Variants in NEB observed in about 807,000 individuals in gnomAD.
NEB encodes nemaline myopathy type 2.
NEB carries 512 observed loss-of-function variants against 952.2 expected under a neutral mutation model. The ratio of observed to expected loss-of-function variants is 0.54; its 90% CI spans 0.50 to 0.58. The LOEUF is 0.58. NEB is among the 20% of genes least tolerant of loss of function. NEB has a pLI of 0.00. For missense variants in NEB, 8,428 were observed against 9,231.1 expected (o/e 0.91, Z 3.56); for synonymous variants, 2,900 against 3,149.8 (o/e 0.92, Z 2.66).
intron 9 of NEB, among the ~76,000 whole-genome samples, chr2:151,720,959 C>T (rs1246871338): frequency 6.6e-6 from 1 of 152,130 alleles, no homozygotes; most frequent in Non-Finnish European, 1.5e-5. Flanking sequence ...TCTGAAGTTT[C>T]CTTCAATCAT....
In NEB at chr2:151,619,720, T is replaced by TGTG. The variant is rs2154022798; in HGVS notation, c.10600_10602dup (p.His3534dup). The TGTG allele has an allele frequency of 6.2e-7, 1 of 1,613,706 alleles. No individual in the cohort carries two copies. On this transcript the variant is annotated inframe_insertion, in exon 73 of 182. Transcript: ENST00000397345. Reference sequence around the variant, plus strand: ...TCATCGTGTACTGCTCGGGCGCCAATGTGGTGACCCAACTGTTTACGATAT... The same window carrying TGTG: ...TCATCGTGTACTGCTCGGGCGCCAATGTGGTGGTGACCCAACTGTTTACGATAT...
At chr2:151,623,874 CA>C (rs1231296866) in intron 71 of NEB, among the ~76,000 whole-genome samples, 8 of 151,570 alleles carry the variant, frequency 5.3e-5, no homozygotes, top group Non-Finnish European at 4.4e-5. Flanking sequence ...GGCTTCAGGC[CA>C]AAAAAATAGA....
intron 44 of NEB, among the ~76,000 whole-genome samples, chr2:151,664,071 G>A (rs1441802778): frequency 6.6e-6 from 1 of 151,838 alleles, no homozygotes; most frequent in Non-Finnish European, 1.5e-5. Flanking sequence ...TAATCTCAGA[G>A]TTAATCGAAG....
Position 151,684,966 on chromosome 2 carries a change from G to T in NEB, c.2647C>A (p.Arg883=). The part of the protein sequence containing the change: ...TAKNQSDREY[R]KDYEKSKTIY... ...GTTTTTGACTTTTCATAATCTTTTC[G>T]ATATTCGCGCTGTGAATAGGAAATT... The change falls in exon 28 of 182, where the codon CGA becomes AGA. Residue 883 remains arginine (R), a synonymous_variant. Transcript: ENST00000397345. The T allele has an allele frequency of 6.2e-7, 1 of 1,603,720 alleles. No individual in the cohort carries two copies. The highest frequency in any genetic ancestry group is 8.5e-7 in the Non-Finnish European group (1 of 1,174,452).
Position 151,555,037 on chromosome 2 carries a change from T to C in NEB, c.19322A>G (p.Tyr6441Cys). The part of the protein sequence containing the change: ...NQKHLASHIK[Y>C]REEYEKFKAL... Reference sequence around the variant, plus strand: ...TTTGAACTTTTCATATTCTTCCCGATATTTGATCTATAGAGAATAAGTAGA... The same window carrying C: ...TTTGAACTTTTCATATTCTTCCCGACATTTGATCTATAGAGAATAAGTAGA... Residue 6441 changes from tyrosine to cysteine, a missense_variant, in exon 125 of 182, where the codon TAT becomes TGT. By Grantham distance (194) the Tyr-to-Cys change is radical (BLOSUM62 -2). Around this residue, in one of 11 missense-constraint regions of NEB, gnomAD observed 3,374 missense variants for 3,651.5 expected, o/e 0.92. Transcript: ENST00000397345. 6.3e-7 allele frequency: 1 copy of C among 1,587,784 alleles called. No individual in the cohort carries two copies. Among genetic ancestry groups the C allele is most frequent in the East Asian group, 2.2e-5 (1 of 44,752 alleles).
At chr2:151,654,140 T>A (rs1164732708) in intron 51 of NEB, 41 bp from the exon 52 acceptor site, 1 of 1,303,964 alleles carries the variant, frequency 7.7e-7, no homozygotes, top group African/African-American at 1.5e-5. Flanking sequence ...TCTGTCTATA[T>A]AAAGAATATC....
At position 151,630,727 on chromosome 2, in the gene NEB, G is replaced by T. The variant is rs1284384967; in HGVS notation, c.9711C>A (p.Ile3237=). ...TTTTTGCTCCTACCTCACTGTAGTTGATTTTGTTCTGCCTTGCCAACATAA... is the reference window on the plus strand; with the variant it reads ...TTTTTGCTCCTACCTCACTGTAGTTTATTTTGTTCTGCCTTGCCAACATAA... ...PEIMLARQNK[I]NYSETLYKLA... Residue 3237 remains isoleucine (I), a synonymous_variant, in exon 67 of 182, where the codon ATC becomes ATA. Coordinates refer to ENST00000397345, the MANE Select transcript of NEB (RefSeq NM_001164508.2). 1.2e-6 allele frequency: 2 copies of T among 1,606,908 alleles called. No homozygotes were observed. The highest frequency in any genetic ancestry group is 8.5e-7 in the Non-Finnish European group (1 of 1,176,068).
chr2:151,687,686 G>A lies in NEB; in HGVS notation c.2463C>T (p.Asp821=). ...DWEKSKAKKF[D]IKVDAIPLLA... ...ACAGGGGAATGGCGTCCACTTTAATGTCAAACTTCTTGGCTTTGCTCTTCT... is the reference window on the plus strand; with the variant it reads ...ACAGGGGAATGGCGTCCACTTTAATATCAAACTTCTTGGCTTTGCTCTTCT... Residue 821 remains aspartate, a synonymous_variant, in exon 26 of 182, where the codon GAC becomes GAT. Transcript: ENST00000397345. 6.2e-7 allele frequency: 1 copy of A among 1,604,710 alleles called. No homozygotes were observed. The highest frequency in any genetic ancestry group is 8.5e-7 in the Non-Finnish European group (1 of 1,174,836).
chr2:151,561,252 G>C lies in NEB; in HGVS notation c.19057C>G (p.Pro6353Ala). The change falls in exon 122 of 182, where the codon CCC becomes GCC. Residue 6353 changes from proline (P) to alanine (A), a missense_variant. Around this residue, in one of 11 missense-constraint regions of NEB, gnomAD observed 3,374 missense variants for 3,651.5 expected, o/e 0.92. Coordinates refer to ENST00000397345, the MANE Select transcript of NEB (RefSeq NM_001164508.2). ...CTCTGAACAGCAGTCACATAGAGGG[G>C]CGTGTCTGTGACCAGATTATAGTTT... The part of the protein sequence containing the change: ...LQNYNLVTDT[P>A]LYVTAVQSGI... The C allele has an allele frequency of 6.2e-7, 1 of 1,608,458 alleles. No homozygotes were observed.
intron 138 of NEB, 121 bp downstream of exon 138, chr2:151,540,223 G>T: frequency 5.6e-6 from 3 of 539,094 alleles, no homozygotes; most frequent in Non-Finnish European, 6.1e-6. Context: ...AAAAAAATGT[G>T]TGTTTTTTTC....
intron 54 of NEB, among the ~76,000 whole-genome samples, chr2:151,647,780 C>A (rs1028186312): frequency 6.6e-6 from 1 of 152,152 alleles, no homozygotes; most frequent in Non-Finnish European, 1.5e-5. Context: ...GTAAAGGAGA[C>A]TAAAGACATA....
chr2:151,562,547 G>C lies in NEB; in HGVS notation c.18891+64C>G. 1.3e-5 allele frequency: 18 copies of C among 1,417,812 alleles called. No homozygotes were observed. The South Asian group carries it at 2.4e-4, about 19-fold the overall frequency. 87.8% of individuals were successfully genotyped at this position (1,417,812 alleles called of 1,614,324 possible). A position where few individuals can be genotyped will look rare whatever the true frequency, so the allele number is the denominator to read the frequency against. ...AACGGGAGCATGGCAGCCAGGGTTGGGGGGTAGCCAAGACACAGTCATGGA... is the reference window on the plus strand; with the variant it reads ...AACGGGAGCATGGCAGCCAGGGTTGCGGGGTAGCCAAGACACAGTCATGGA... On this transcript the variant is annotated intron_variant, in intron 120 of 181. Coordinates refer to ENST00000397345, the MANE Select transcript of NEB (RefSeq NM_001164508.2).
chr2:151,539,660 T>C (rs1475930769), intron 138 of NEB, among the ~76,000 whole-genome samples: 1 of 152,192 alleles, frequency 6.6e-6, no homozygotes, highest in African/African-American at 2.4e-5. Context: ...GCTATTTACC[T>C]TGGATTCACT....
chr2:151,509,613 GT>G (rs112997385), intron 161 of NEB, among the ~76,000 whole-genome samples: 5 of 148,786 alleles, frequency 3.4e-5, no homozygotes, highest in South Asian at 2.1e-4. Context: ...AGGAAGAGAG[GT>G]TTTTTTTTTG....
Position 151,518,954 on chromosome 2 carries a change from A to C in NEB, c.22695+11T>G. 1 of 1,586,766 alleles carries C rather than the reference A, an allele frequency of 6.3e-7. No homozygotes were observed. The highest frequency in any genetic ancestry group is 8.7e-7 in the Non-Finnish European group (1 of 1,155,338). On this transcript the variant is annotated intron_variant, in intron 155 of 181. Transcript: ENST00000397345. ...AAACAAGCTGTTTCTGGAGCAAATG[A>C]CTGAGCTTACAGAACTGGCAAGTTG...
chr2:151,555,881 A>AC (rs1009292567), intron 124 of NEB, among the ~76,000 whole-genome samples: 1 of 151,564 alleles, frequency 6.6e-6, no homozygotes, highest in African/African-American at 2.4e-5. Context: ...TAAAAAAAAA[A>AC]AAAACACATA....
At chr2:151,701,156 C>T (rs2099657849) in intron 13 of NEB, among the ~76,000 whole-genome samples, 1 of 63,924 alleles carries the variant, frequency 1.6e-5, no homozygotes, top group African/African-American at 4.7e-5. Context: ...TGTTTATATG[C>T]TGGATTACAT....
rs751602407 is a variant in NEB at position 151,666,385 on chromosome 2, G to A, written c.4736C>T (p.Ala1579Val). The change falls in exon 41 of 182, where the codon GCC becomes GTC. Residue 1579 changes from alanine to valine, a missense_variant. Coordinates refer to ENST00000397345, the MANE Select transcript of NEB (RefSeq NM_001164508.2). ...TTGCTTGCCTTTGGCTTTCTCGTAG[G>A]CCTCCTTATATTTGCACTATTTGAA... Reference protein sequence around the residue: ...NIASDCKYKEAYEKAKGKQVG... With the variant: ...NIASDCKYKEVYEKAKGKQVG... 5.0e-6 allele frequency: 8 copies of A among 1,613,480 alleles called. No individual in the cohort carries two copies. The Admixed American group carries it at 1.3e-4, about 27-fold the overall frequency.
chr2:151,576,028 T>C (rs2153807589), intron 106 of NEB, 123 bp downstream of exon 106: 1 of 768,170 alleles, frequency 1.3e-6, no homozygotes, highest in East Asian at 2.8e-5. Flanking sequence ...GACAATACTG[T>C]ATTACTTAAT....
Sources: allele counts gnomAD v4.1 joint callset (sites outside exome capture counted in the v4.1 genomes callset), GRCh38; gene constraint gnomAD v4.1.1; regional missense constraint gnomAD v4.1.1; transcripts MANE v1.5; gene names NCBI Gene and HGNC (gene_info 2026-07-23, HGNC 2026-07-21).